MCC: variants seen among roughly 807,000 people sequenced by gnomAD.
The protein encoded by MCC is colorectal mutant cancer protein.
MCC carries 90 observed loss-of-function variants against 116.2 expected under a neutral mutation model. That is an observed-to-expected ratio of 0.77 (90% CI 0.65 to 0.92). The LOEUF (loss-of-function observed/expected upper bound fraction) is 0.92. MCC is among the 40% of genes least tolerant of loss of function. MCC has a pLI of 0.00. For synonymous variants in MCC, 578 were observed against 510.5 expected (o/e 1.13, Z -1.78); for missense variants, 1,516 against 1,312.2 (o/e 1.16, Z -2.40).
intron 1 of MCC, chr5:113,432,818 T>C (rs962387346): frequency 1.3e-5 from 2 of 151,938 alleles, no homozygotes; most frequent in Admixed American, 6.6e-5. Context: ...TGCTGGGGAG[T>C]AAATTAGCTA....
At position 113,420,406 on chromosome 5, in the gene MCC, C is replaced by T. The variant is rs1770296084; in HGVS notation, c.171-35194G>A. 2.6e-5 allele frequency among the ~76,000 whole-genome samples: 4 copies of T among 152,226 alleles called. No individual in the cohort carries two copies. In the South Asian group the frequency reaches 8.3e-4, roughly 32 times the overall value. ...ATTATATCAAACAACTCAGGACAAA[C>T]ATTTTTGCCTTATCCCTTGAGCAAC... is the stretch of plus-strand genomic sequence containing the variant. On this transcript the variant is annotated intron_variant, in intron 1 of 18. Coordinates refer to ENST00000408903, the MANE Select transcript of MCC (RefSeq NM_001085377.2).
At chr5:113,259,774 G>A (rs944565628) in intron 3 of MCC, among the ~76,000 whole-genome samples, 2 of 151,914 alleles carry the variant, frequency 1.3e-5, no homozygotes, top group African/African-American at 4.8e-5. Flanking sequence ...CAAGGTCATC[G>A]CCAAGATCTG....
At chr5:113,446,009 T>C (rs1189904526) in intron 1 of MCC, among the ~76,000 whole-genome samples, 1 of 152,174 alleles carries the variant, frequency 6.6e-6, no homozygotes, top group Non-Finnish European at 1.5e-5. Flanking sequence ...AAGGACTCTA[T>C]TCAATAAATG....
chr5:113,351,418 T>G (rs1484703035), intron 2 of MCC, among the ~76,000 whole-genome samples: 1 of 152,166 alleles, frequency 6.6e-6, no homozygotes, highest in Non-Finnish European at 1.5e-5. Context: ...AGTCATTATG[T>G]TAAATGAAAT....
intron 2 of MCC, among the ~76,000 whole-genome samples, chr5:113,368,622 GT>G (rs372519921): frequency 0.038 from 5,592 of 146,004 alleles, 135 homozygotes; most frequent in East Asian, 0.083. Context: ...GAGAAAAAGT[GT>G]TTTTTTTTTT....
chr5:113,319,148 G>A (rs1767358342), intron 3 of MCC, among the ~76,000 whole-genome samples: 2 of 152,184 alleles, frequency 1.3e-5, no homozygotes, highest in African/African-American at 4.8e-5. Flanking sequence ...AACTATAGGC[G>A]TGAACCTCTG....
intron 3 of MCC, among the ~76,000 whole-genome samples, chr5:113,246,171 A>G (rs927772074): frequency 6.6e-6 from 1 of 152,310 alleles, no homozygotes; most frequent in Admixed American, 6.5e-5. Flanking sequence ...GAATTTCAGG[A>G]CTCCAAAACA....
Position 113,434,545 on chromosome 5 carries a change from G to A in MCC, c.171-49333C>T, listed in dbSNP as rs780970056. ...GCTCCCCGGGTTTTGATTAACTCGA[G>A]GAGGTCGCCCTGGACCGCGAGCTCC... On this transcript the variant is annotated intron_variant, in intron 1 of 18. Coordinates refer to ENST00000408903, the MANE Select transcript of MCC (RefSeq NM_001085377.2). The surrounding 1 kb of genome is among the most constrained non-coding windows in gnomAD (Gnocchi z 4.2). 6.8e-6 allele frequency: 11 copies of A among 1,613,214 alleles called. No homozygotes were observed. The highest frequency in any genetic ancestry group is 9.3e-6 in the Non-Finnish European group (11 of 1,179,308).
chr5:113,353,387 GAGA>G (rs1221208016), intron 2 of MCC, among the ~76,000 whole-genome samples: 3 of 152,122 alleles, frequency 2.0e-5, no homozygotes, highest in African/African-American at 7.2e-5. Context: ...AGAAGGTAAT[GAGA>G]AGGATGACAG....
At chr5:113,370,730 C>G (rs545889286) in intron 2 of MCC, among the ~76,000 whole-genome samples, 2 of 152,234 alleles carry the variant, frequency 1.3e-5, no homozygotes, top group South Asian at 4.2e-4. Context: ...TTCAAAAAAG[C>G]AAAACCATTT....
chr5:113,178,509 G>C (rs1329915215), intron 3 of MCC, among the ~76,000 whole-genome samples: 1 of 152,152 alleles, frequency 6.6e-6, no homozygotes, highest in African/African-American at 2.4e-5. Context: ...AGAAATAATA[G>C]AATCCCAACC....
At chr5:113,034,592 C>G (rs1751199256) in intron 17 of MCC, among the ~76,000 whole-genome samples, 1 of 152,358 alleles carries the variant, frequency 6.6e-6, no homozygotes, top group South Asian at 2.1e-4. Context: ...CAGGGAGTCA[C>G]AGCCATGCAG....
intron 3 of MCC, among the ~76,000 whole-genome samples, chr5:113,334,115 T>C (rs1028255010): frequency 6.7e-6 from 1 of 148,262 alleles, no homozygotes; most frequent in East Asian, 2.0e-4. Context: ...TAGACATTGC[T>C]ATTTCATTCA....
At chr5:113,161,289 G>A (rs1760467822) in intron 3 of MCC, among the ~76,000 whole-genome samples, 1 of 152,070 alleles carries the variant, frequency 6.6e-6, no homozygotes. Context: ...AGCTAATCAG[G>A]GGACATGAAT....
Position 113,102,836 on chromosome 5 carries a change from GCCGGGT to G in MCC, c.1192-897_1192-892del, listed in dbSNP as rs1450974256. Among the ~76,000 whole-genome samples, 390 of 152,364 alleles carry G rather than the reference GCCGGGT, an allele frequency of 2.6e-3. 1 individual carries two copies. The highest frequency in any genetic ancestry group is 9.0e-3 in the African/African-American group (376 of 41,596). ...AGATGGAATAAGAAACAGAAGACTG[GCCGGGT>G]GCAGTGGCTCACGCCTGTAATCCCA... On this transcript the variant is annotated intron_variant, in intron 7 of 18. Coordinates refer to ENST00000408903, the MANE Select transcript of MCC (RefSeq NM_001085377.2).
At chr5:113,251,639 GT>G (rs1463589841) in intron 3 of MCC, among the ~76,000 whole-genome samples, 1 of 152,182 alleles carries the variant, frequency 6.6e-6, no homozygotes, top group Non-Finnish European at 1.5e-5. Context: ...GACTGTTCTA[GT>G]TTTGCCAGAT....
chr5:113,263,011 A>G (rs1489886901), intron 3 of MCC, among the ~76,000 whole-genome samples: 2 of 152,208 alleles, frequency 1.3e-5, no homozygotes, highest in African/African-American at 2.4e-5. Context: ...TCAAAATTAA[A>G]TTTGAGAAAT....
intron 3 of MCC, among the ~76,000 whole-genome samples, chr5:113,201,222 C>T (rs1162900510): frequency 6.6e-6 from 1 of 151,970 alleles, no homozygotes; most frequent in African/African-American, 2.4e-5. Flanking sequence ...CCCATCTCTA[C>T]TAAAAATACA....
chr5:113,143,416 A>C (rs1759307948), intron 4 of MCC, 56 bp from the exon 5 acceptor site: 2 of 1,596,050 alleles, frequency 1.3e-6, no homozygotes, highest in Non-Finnish European at 1.7e-6. Flanking sequence ...CTACAGGTGG[A>C]TGATTCCAAG....
Sources: allele counts gnomAD v4.1 joint callset (sites outside exome capture counted in the v4.1 genomes callset), GRCh38; gene constraint gnomAD v4.1.1; non-coding constraint Gnocchi (gnomAD v3.1); transcripts MANE v1.5; gene names NCBI Gene and HGNC (gene_info 2026-07-23, HGNC 2026-07-21).